AKNA: variants seen among roughly 807,000 people sequenced by gnomAD.
AKNA encodes microtubule organization protein AKNA.
In AKNA, 67 loss-of-function variants were observed where a neutral mutation model predicts 138.8. That is an observed-to-expected ratio of 0.48 (90% CI 0.40 to 0.59). The LOEUF (loss-of-function observed/expected upper bound fraction) is 0.59. AKNA is among the 20% of genes least tolerant of loss of function. The pLI is 0.00. For synonymous variants in AKNA, 737 were observed against 754.4 expected (o/e 0.98, Z 0.38); for missense variants, 1,813 against 1,880.4 (o/e 0.96, Z 0.66).
intron 14 of AKNA, among the ~76,000 whole-genome samples, chr9:114,352,427 T>A (rs915232886): frequency 7.1e-6 from 1 of 140,644 alleles, no homozygotes; most frequent in South Asian, 2.3e-4. Flanking sequence ...GTGAAACCCA[T>A]TTCTACTAAA....
At chr9:114,391,923 G>A (rs1215877015), upstream of AKNA, among the ~76,000 whole-genome samples, 3 of 149,946 alleles carry the variant, frequency 2.0e-5, no homozygotes, top group Admixed American at 6.7e-5. Context: ...TACTGCCAGG[G>A]CTTGATGACT....
chr9:114,371,695 A>G (rs1313218251), intron 4 of AKNA, among the ~76,000 whole-genome samples: 2 of 152,048 alleles, frequency 1.3e-5, no homozygotes, highest in African/African-American at 2.4e-5. Context: ...GTGAATGTCA[A>G]TCTCCTTCCT....
chr9:114,341,971 A>T (rs1469503365), intron 20 of AKNA, 38 bp downstream of exon 20: 1 of 1,568,186 alleles, frequency 6.4e-7, no homozygotes, highest in African/African-American at 1.4e-5. Flanking sequence ...AGGAGAGCTG[A>T]GGGTCTGGCT....
At position 114,346,701 on chromosome 9, in the gene AKNA, G is replaced by A; in HGVS notation, c.3482C>T (p.Ser1161Leu). Reference sequence around the variant, plus strand: ...CAGTCGGAGCACCTCCCGAGGCACTGAGGAAGACCTGGCTCGCTGCCTTCC... The same window carrying A: ...CAGTCGGAGCACCTCCCGAGGCACTAAGGAAGACCTGGCTCGCTGCCTTCC... ...PPGRQRARSS[S>L]VPREVLRLSL... Residue 1161 changes from serine to leucine, a missense_variant, in exon 17 of 22, where the codon TCA (serine) becomes TTA (leucine). Physicochemically the swap from Ser to Leu is moderately radical, Grantham distance 145. Transcript: ENST00000374088. The A allele has an allele frequency of 6.2e-7, 1 of 1,612,742 alleles. No individual in the cohort carries two copies.
chr9:114,350,937 G>C lies in AKNA; in HGVS notation c.3143C>G (p.Pro1048Arg). 6.2e-7 allele frequency: 1 copy of C among 1,612,312 alleles called. No individual in the cohort carries two copies. Among genetic ancestry groups the C allele is most frequent in the Non-Finnish European group, 8.5e-7 (1 of 1,179,384 alleles). The change falls in exon 15 of 22, where the codon CCC (proline) becomes CGC (arginine). Residue 1048 changes from proline to arginine, a missense_variant. Transcript: ENST00000374088. Reference sequence around the variant, plus strand: ...GGGTAGAGGCGCAGCGGCAGGGGCGGGGGCTGGGGGTGGGCTGATTGTCTT... The same window carrying C: ...GGGTAGAGGCGCAGCGGCAGGGGCGCGGGCTGGGGGTGGGCTGATTGTCTT... The part of the protein sequence containing the change: ...PNKTISPPPA[P>R]APAAAPLPCG...
chr9:114,351,746 G>A (rs140661357), intron 14 of AKNA, among the ~76,000 whole-genome samples: 14 of 151,974 alleles, frequency 9.2e-5, no homozygotes, highest in Non-Finnish European at 1.6e-4. Flanking sequence ...CAGGAGGATC[G>A]CTTGGGCCAG....
chr9:114,391,057 A>G (rs1482465686), upstream of AKNA, among the ~76,000 whole-genome samples: 1 of 152,176 alleles, frequency 6.6e-6, no homozygotes, highest in East Asian at 1.9e-4. Context: ...CAACCTAGCT[A>G]CTTGCCCAAG....
chr9:114,383,254 C>A, intron 1 of AKNA: 1 of 455,280 alleles, frequency 2.2e-6, no homozygotes, highest in South Asian at 1.6e-5. Flanking sequence ...GGCTCCTCCG[C>A]TGCCTTCCCT....
In AKNA at chr9:114,377,008, C is replaced by G. The variant is rs1267640153; in HGVS notation, c.799G>C (p.Ala267Pro). 24 of 1,614,060 alleles carry G rather than the reference C, an allele frequency of 1.5e-5. No homozygotes were observed. The highest frequency in any genetic ancestry group is 1.9e-5 in the Non-Finnish European group (23 of 1,180,028). Reference sequence around the variant, plus strand: ...TGCTGCGGACTCTGGGCTGGGGGAGCTGAGGAGTCCTGGAATTCCATGGGG... The same window carrying G: ...TGCTGCGGACTCTGGGCTGGGGGAGGTGAGGAGTCCTGGAATTCCATGGGG... ...ATPMEFQDSS[A>P]PPAQSPQHAT... The change falls in exon 3 of 22, where the codon GCT (alanine) becomes CCT (proline). Residue 267 changes from alanine to proline, a missense_variant. Ala to Pro is a conservative substitution (Grantham distance 27, BLOSUM62 -1). Coordinates refer to ENST00000374088, the MANE Select transcript of AKNA (RefSeq NM_001317950.2).
chr9:114,346,002 T>C lies in AKNA; in HGVS notation c.3522A>G (p.Glu1174=). Reference sequence around the variant, plus strand: ...ACAGTGGTAGGGAGGGCAGCTCAGATTCTGAACCTGGGGTAGAAAAAGTGG... The same window carrying C: ...ACAGTGGTAGGGAGGGCAGCTCAGACTCTGAACCTGGGGTAGAAAAAGTGG... ...REVLRLSLSS[E]SELPSLPLFS... is the part of the protein sequence containing the mutation. Residue 1174 remains glutamate, a synonymous_variant, in exon 18 of 22, where the codon GAA becomes GAG. Transcript: ENST00000374088. The C allele has an allele frequency of 6.2e-7, 1 of 1,613,538 alleles. No homozygotes were observed. Among genetic ancestry groups the C allele is most frequent in the Non-Finnish European group, 8.5e-7 (1 of 1,179,724 alleles).
intron 14 of AKNA, among the ~76,000 whole-genome samples, chr9:114,354,750 A>G (rs2131873829): frequency 6.6e-6 from 1 of 152,136 alleles, no homozygotes; most frequent in Non-Finnish European, 1.5e-5. Flanking sequence ...TTTTTAAAAT[A>G]AGTAGAAGAA....
intron 11 of AKNA, 177 bp downstream of exon 11, chr9:114,359,417 C>A: frequency 1.6e-6 from 2 of 1,269,334 alleles, no homozygotes; most frequent in East Asian, 2.5e-5. Flanking sequence ...AAATCATGTC[C>A]CACACTACCC....
intron 1 of AKNA, among the ~76,000 whole-genome samples, chr9:114,382,247 G>A (rs1168724210): frequency 2.6e-5 from 4 of 152,150 alleles, no homozygotes; most frequent in African/African-American, 9.7e-5. Flanking sequence ...AATCCTCTCT[G>A]ACCTCACTGG....
At chr9:114,344,237 G>T (rs1413205751) in intron 18 of AKNA, 1 of 185,700 alleles carries the variant, frequency 5.4e-6, no homozygotes, top group Non-Finnish European at 1.2e-5. Flanking sequence ...GAATGGCTCG[G>T]GCACAGGGTC....
downstream of AKNA, among the ~76,000 whole-genome samples, chr9:114,331,367 C>T (rs1829848529): frequency 6.6e-6 from 1 of 152,082 alleles, no homozygotes; most frequent in Non-Finnish European, 1.5e-5. Flanking sequence ...CTGTGTGAGG[C>T]TCCTGAGATC....
At chr9:114,397,370 G>A (rs1267796995), upstream of AKNA, among the ~76,000 whole-genome samples, 1 of 152,192 alleles carries the variant, frequency 6.6e-6, no homozygotes, top group Admixed American at 6.5e-5. Flanking sequence ...GTCCCTGTAT[G>A]TATCTAACTT....
chr9:114,358,837 G>C (rs138795773), intron 11 of AKNA, among the ~76,000 whole-genome samples: 2,752 of 134,750 alleles, frequency 0.02, 98 homozygotes, highest in African/African-American at 0.07. Flanking sequence ...GTTGTGGGGT[G>C]GGGGGAGGGA....
intron 14 of AKNA, among the ~76,000 whole-genome samples, chr9:114,352,530 G>C (rs1369830269): frequency 6.6e-6 from 1 of 152,072 alleles, no homozygotes; most frequent in Admixed American, 6.5e-5. Context: ...CTGAGTGGTG[G>C]AGGTTGCAGT....
chr9:114,383,095 C>T lies in AKNA; in HGVS notation c.-113-1649G>A, dbSNP rs181192414. 1.3e-3 allele frequency: 594 copies of T among 455,350 alleles called. 6 individuals carry two copies. The highest frequency in any genetic ancestry group is 0.011 in the African/African-American group (533 of 50,136). The allele number at this position is 455,350 out of a possible 1,614,324, so 28.2% of individuals were successfully genotyped here. On this transcript the variant is annotated intron_variant, in intron 1 of 21. Coordinates refer to ENST00000374088, the MANE Select transcript of AKNA (RefSeq NM_001317950.2). ...CTGGACCTGGGAGTGGTTTCGCCGC[C>T]GATGGCTGGGGTATTGAACACAGGG...
Sources: allele counts gnomAD v4.1 joint callset (sites outside exome capture counted in the v4.1 genomes callset), GRCh38; gene constraint gnomAD v4.1.1; transcripts MANE v1.5; gene names NCBI Gene and HGNC (gene_info 2026-07-23, HGNC 2026-07-21).